The following IVD variants were observed in gnomAD, a reference collection of about 807,000 sequenced individuals.
The protein encoded by IVD is isovaleryl-CoA dehydrogenase.
Under a neutral mutation model 51.3 loss-of-function variants are expected in IVD, and 31 were observed. The observed-to-expected ratio is 0.60, with a 90% CI of 0.45 to 0.81. The LOEUF (loss-of-function observed/expected upper bound fraction) is 0.81. IVD is among the 40% of genes least tolerant of loss of function. IVD has a pLI of 0.00. For missense variants in IVD, 475 were observed against 552.0 expected, an observed-to-expected ratio of 0.86 and a Z score of 1.40; for synonymous variants, 205 against 219.4, an observed-to-expected ratio of 0.93 and a Z score of 0.58.
At chr15:40,411,484 A>C in intron 5 of IVD, 71 bp from the exon 6 acceptor site, 3 of 1,609,396 alleles carry the variant, frequency 1.9e-6, no homozygotes, top group Non-Finnish European at 2.6e-6. Flanking sequence ...CTTCTTGCTC[A>C]GCAGAAGGTC....
In IVD at chr15:40,411,266, A is replaced by AGTG. The variant is rs796051982; in HGVS notation, c.467_469dup (p.Gly156dup). The AGTG allele has an allele frequency of 2.6e-5, 42 of 1,614,068 alleles. No individual in the cohort carries two copies. The highest frequency in any genetic ancestry group is 5.0e-5 in the Admixed American group (3 of 59,996). On this transcript the variant is annotated inframe_insertion, in exon 5 of 12. Coordinates refer to ENST00000487418, the MANE Select transcript of IVD (RefSeq NM_002225.5). ...TTGGGGGTTTTCCTTGCAGCTGATC[A>AGTG]GTGGTGAGTACATCGGAGCCCTGGC... is the stretch of plus-strand genomic sequence containing the variant.
intron 6 of IVD, 85 bp downstream of exon 6, chr15:40,411,776 A>AG: frequency 4.0e-6 from 6 of 1,487,598 alleles, no homozygotes; most frequent in Non-Finnish European, 5.6e-6. Context: ...TCTCAAATGG[A>AG]ATCAGTGTTG....
chr15:40,406,291 C>T, intron 1 of IVD: 3 of 1,418,312 alleles, frequency 2.1e-6, no homozygotes, highest in Non-Finnish European at 2.8e-6. Flanking sequence ...GGCTACCTAC[C>T]GCTTGTGGCA....
chr15:40,418,196 TA>T lies in IVD; in HGVS notation c.1206del (p.Ile402MetfsTer8), dbSNP rs1595797766. 1.2e-6 allele frequency: 2 copies of T among 1,614,134 alleles called. No homozygotes were observed. Among genetic ancestry groups the T allele is most frequent in the African/African-American group, 2.7e-5 (2 of 74,946 alleles). On this transcript the variant is annotated frameshift_variant, in exon 12 of 12. Transcript: ENST00000487418. LOFTEE classifies it high-confidence loss of function. ...RFLRDAKLYE[I>X]GAGTSEVRRL... is the part of the protein sequence containing the mutation. ...CTTCGAGATGCCAAGCTGTATGAGA[TA>T]GGGGCTGGGACCAGCGAGGTGAGGC... is the stretch of plus-strand genomic sequence containing the variant.
At chr15:40,411,740 G>A in intron 6 of IVD, 49 bp downstream of exon 6, 1 of 1,602,072 alleles carries the variant, frequency 6.2e-7, no homozygotes, top group Middle Eastern at 1.8e-4. Context: ...TCCTGACAGT[G>A]GTACCAGAGA....
In IVD at chr15:40,410,757, G is replaced by A. The variant is rs141071545; in HGVS notation, c.416G>A (p.Arg139His). 9 of 1,614,066 alleles carry A rather than the reference G, an allele frequency of 5.6e-6. 1 individual carries two copies. The highest frequency in any genetic ancestry group is 2.2e-5 in the South Asian group (2 of 91,084). The stretch of plus-strand genomic sequence containing the variant: ...AACCTCTGCATCAACCAGCTTGTAC[G>A]CAATGGGAATGAGGCCCAGAAAGAG... ...HSNLCINQLV[R>H]NGNEAQKEKY... Residue 139 changes from arginine to histidine, a missense_variant, in exon 4 of 12, where the codon CGC becomes CAC. Coordinates refer to ENST00000487418, the MANE Select transcript of IVD (RefSeq NM_002225.5).
chr15:40,415,141 G>C, intron 8 of IVD, 159 bp downstream of exon 8: 1 of 855,642 alleles, frequency 1.2e-6, no homozygotes, highest in Non-Finnish European at 1.8e-6. Flanking sequence ...TTCCCATGTT[G>C]AATTTCTTCC....
At position 40,419,602 on chromosome 15, in the gene IVD, G is replaced by A. The variant is rs1417797261; in HGVS notation, c.*1339G>A. The stretch of plus-strand genomic sequence containing the variant: ...CGAGGCAGGTGGATCACGAGGTCAG[G>A]AGTTCAAGACCAGCCTGGCCAAGAT... On this transcript the variant is annotated 3_prime_UTR_variant, in exon 12 of 12. Transcript: ENST00000487418. The A allele has an allele frequency of 6.0e-6, 1 of 166,512 alleles. No individual in the cohort carries two copies. Among genetic ancestry groups the A allele is most frequent in the Admixed American group, 5.9e-5 (1 of 16,894 alleles). 10.3% of individuals were successfully genotyped at this position (166,512 alleles called of 1,614,324 possible).
Position 40,411,266 on chromosome 15 carries a change from A to G in IVD, c.463A>G (p.Ser155Gly). 1 of 1,614,186 alleles carries G rather than the reference A, an allele frequency of 6.2e-7. No individual in the cohort carries two copies. The highest frequency in any genetic ancestry group is 2.2e-5 in the East Asian group (1 of 44,876). The change falls in exon 5 of 12, where the codon AGT becomes GGT. Residue 155 changes from serine (S) to glycine (G), a missense_variant. Physicochemically the swap from Ser to Gly is moderately conservative, Grantham distance 56. Transcript: ENST00000487418. ...TTGGGGGTTTTCCTTGCAGCTGATCAGTGGTGAGTACATCGGAGCCCTGGC... is the reference window on the plus strand; with the variant it reads ...TTGGGGGTTTTCCTTGCAGCTGATCGGTGGTGAGTACATCGGAGCCCTGGC... ...QKEKYLPKLI[S>G]GEYIGALAMS...
intron 1 of IVD, among the ~76,000 whole-genome samples, chr15:40,407,190 G>A (rs1171596675): frequency 6.6e-6 from 1 of 152,220 alleles, no homozygotes; most frequent in Non-Finnish European, 1.5e-5. Flanking sequence ...ATCTCTTTGG[G>A]TAATCAGACC....
chr15:40,427,529 C>G (rs755537761), downstream of IVD, among the ~76,000 whole-genome samples: 2 of 152,184 alleles, frequency 1.3e-5, no homozygotes, highest in Admixed American at 1.3e-4. Context: ...CAACCTGCCC[C>G]CTCCCGCAAA....
Position 40,430,460 on chromosome 15 carries a change from TC to T in IVD, c.720-3393del, listed in dbSNP as rs1311764803. Among the ~76,000 whole-genome samples, 8 of 152,104 alleles carry T rather than the reference TC, an allele frequency of 5.3e-5. 1 individual carries two copies. The highest frequency in any genetic ancestry group is 5.2e-4 in the Admixed American group (8 of 15,274). ...AACAATAGTCAGTTCCAGATTTGGA[TC>T]TTTATGCTGAGTGTAAGCAGGAGTC... On this transcript the variant is annotated intron_variant, in intron 7 of 8. Transcript: ENST00000473112.
intron 7 of IVD, 116 bp downstream of exon 7, chr15:40,413,203 A>G: frequency 1.2e-6 from 1 of 832,876 alleles, no homozygotes; most frequent in Non-Finnish European, 2.0e-6. Flanking sequence ...TTAGCGCTTC[A>G]GTGACATGTG....
At chr15:40,433,437 A>C (rs150820484) in intron 7 of IVD, among the ~76,000 whole-genome samples, 145 of 152,236 alleles carry the variant, frequency 9.5e-4, no homozygotes, top group African/African-American at 3.3e-3. Flanking sequence ...CCCATTCCAG[A>C]TCTGGATTTC....
Position 40,410,665 on chromosome 15 carries a change from T to G in IVD, c.324T>G (p.His108Gln), listed in dbSNP as rs1302479942. 1 of 1,614,214 alleles carries G rather than the reference T, an allele frequency of 6.2e-7. No homozygotes were observed. The highest frequency in any genetic ancestry group is 1.1e-5 in the South Asian group (1 of 91,080). The change falls in exon 4 of 12, where the codon CAT (histidine) becomes CAG (glutamine). Residue 108 changes from histidine to glutamine, a missense_variant. His to Gln is a conservative substitution (Grantham distance 24). Transcript: ENST00000487418. Reference protein sequence around the residue: ...YGGSGLGYLEHVLVMEEISRA... With the variant: ...YGGSGLGYLEQVLVMEEISRA... ...GCTCCGGCCTGGGCTACCTGGAGCA[T>G]GTGCTGGTGATGGAGGAGATATCCC... is the stretch of plus-strand genomic sequence containing the variant.
chr15:40,425,112 T>A (rs1892592005), downstream of IVD, among the ~76,000 whole-genome samples: 1 of 152,078 alleles, frequency 6.6e-6, no homozygotes, highest in South Asian at 2.1e-4. Flanking sequence ...AGGACGAGAA[T>A]GGGAGCTGGA....
Position 40,420,246 on chromosome 15 carries a change from C to G in IVD, c.*1983C>G. ...TGAGCCCTTGTGCACCGCCCTGCCA[C>G]GGGCACCATCCAGTCCTGGCCGTGT... On this transcript the variant is annotated 3_prime_UTR_variant, in exon 12 of 12. Coordinates refer to ENST00000487418, the MANE Select transcript of IVD (RefSeq NM_002225.5). 2 of 987,450 alleles carry G rather than the reference C, an allele frequency of 2.0e-6. No homozygotes were observed. The highest frequency in any genetic ancestry group is 2.4e-6 in the Non-Finnish European group (2 of 830,228). The allele number at this position is 987,450 out of a possible 1,614,324, so 61.2% of individuals were successfully genotyped here.
chr15:40,416,240 G>A (rs1891665806), intron 10 of IVD, 50 bp from the exon 11 acceptor site: 1 of 1,611,884 alleles, frequency 6.2e-7, no homozygotes, highest in Admixed American at 1.7e-5. Context: ...GCTGAGACTT[G>A]CTGTCTGCGT....
downstream of IVD, among the ~76,000 whole-genome samples, chr15:40,423,830 G>A (rs74976778): frequency 0.017 from 2,618 of 152,186 alleles, 83 homozygotes; most frequent in African/African-American, 0.06. Flanking sequence ...TCACTTCCTC[G>A]GGCCAGCCCT....
Sources: gnomAD v4.1 joint callset for allele counts (sites outside exome capture counted in the v4.1 genomes callset) on GRCh38, gnomAD v4.1.1 for gene constraint, MANE v1.5 for transcripts, NCBI Gene and HGNC (gene_info 2026-07-23, HGNC 2026-07-21) for gene names.